Variants in IRGM observed in about 807,000 individuals in gnomAD.
IRGM encodes immunity-related GTPase family M protein.
For missense variants in IRGM, 288 were observed against 219.9 expected (o/e 1.31, Z -1.96); for synonymous variants, 98 against 80.6 (o/e 1.22, Z -1.16).
chr5:150,895,865 A>C (rs1259008498), intron 3 of IRGM: 27 of 1,613,506 alleles, frequency 1.7e-5, no homozygotes, highest in Non-Finnish European at 2.0e-5. Flanking sequence ...CCCCAGTATG[A>C]ACTAACTGAT....
At chr5:150,860,021 A>G (rs1275814740) in intron 1 of IRGM, among the ~76,000 whole-genome samples, 1 of 152,184 alleles carries the variant, frequency 6.6e-6, no homozygotes, top group Non-Finnish European at 1.5e-5. Context: ...TCATTGCCCA[A>G]TATGGCTAAA....
chr5:150,897,058 ATAG>A (rs1754818141), intron 3 of IRGM: 2 of 1,057,906 alleles, frequency 1.9e-6, no homozygotes, highest in Non-Finnish European at 2.7e-6. Context: ...ATGATCCAAC[ATAG>A]TAGATGAACT....
intron 1 of IRGM, among the ~76,000 whole-genome samples, chr5:150,868,893 T>G (rs545179968): frequency 1.3e-5 from 2 of 152,140 alleles, no homozygotes; most frequent in Non-Finnish European, 2.9e-5. Context: ...TTTGGATAAG[T>G]CTTTATGGTT....
intron 3 of IRGM, among the ~76,000 whole-genome samples, chr5:150,892,512 A>G (rs1754626262): frequency 6.6e-6 from 1 of 152,142 alleles, no homozygotes; most frequent in Non-Finnish European, 1.5e-5. Flanking sequence ...GTTGTCTACA[A>G]ATAACAACAC....
At chr5:150,894,447 A>C (rs970880261) in intron 3 of IRGM, 9 of 152,254 alleles carry the variant, frequency 5.9e-5, no homozygotes, top group African/African-American at 2.2e-4. Context: ...AATAAATCCA[A>C]GTATTAAAAA....
At chr5:150,873,205 G>C (rs1022298314) in intron 1 of IRGM, among the ~76,000 whole-genome samples, 1 of 152,302 alleles carries the variant, frequency 6.6e-6, no homozygotes, top group Admixed American at 6.5e-5. Flanking sequence ...AAGTGAAATT[G>C]ATAGGAAGCC....
At chr5:150,857,845 G>A (rs1463402285) in intron 1 of IRGM, among the ~76,000 whole-genome samples, 2 of 151,984 alleles carry the variant, frequency 1.3e-5, no homozygotes. Context: ...AGATGAGTAG[G>A]TTGCGAAAAT....
chr5:150,879,094 T>C (rs1754408041), intron 2 of IRGM, among the ~76,000 whole-genome samples: 1 of 152,174 alleles, frequency 6.6e-6, no homozygotes, highest in African/African-American at 2.4e-5. Context: ...AAAATGTTCA[T>C]ATCAGTAAGA....
chr5:150,881,086 C>T (rs1754438356), intron 3 of IRGM, among the ~76,000 whole-genome samples: 1 of 151,194 alleles, frequency 6.6e-6, no homozygotes, highest in African/African-American at 2.4e-5. Flanking sequence ...AAGATCATGC[C>T]ATTGCACTCC....
intron 1 of IRGM, among the ~76,000 whole-genome samples, chr5:150,854,609 T>A (rs374419459): frequency 1.3e-5 from 2 of 152,186 alleles, no homozygotes; most frequent in East Asian, 3.8e-4. Flanking sequence ...ATTTTTCTTT[T>A]TCTTTTAGCA....
At chr5:150,852,872 A>G (rs1241778751), downstream of IRGM, among the ~76,000 whole-genome samples, 1 of 152,066 alleles carries the variant, frequency 6.6e-6, no homozygotes, top group Non-Finnish European at 1.5e-5. Flanking sequence ...ATATTGTTGA[A>G]TTTCTAATAG....
At chr5:150,878,219 C>T (rs1754393777) in intron 2 of IRGM, 1 of 363,984 alleles carries the variant, frequency 2.7e-6, no homozygotes, top group African/African-American at 2.1e-5. Flanking sequence ...CTTTGTGAGG[C>T]TAGAGAGTAC....
chr5:150,870,509 C>CT (rs60200385), intron 1 of IRGM, among the ~76,000 whole-genome samples: 5,342 of 135,562 alleles, frequency 0.039, 220 homozygotes, highest in African/African-American at 0.1. Flanking sequence ...TATACAACTC[C>CT]TTTTTTTTTT....
intron 3 of IRGM, among the ~76,000 whole-genome samples, chr5:150,881,655 T>A (rs1235461586): frequency 6.6e-6 from 1 of 150,958 alleles, no homozygotes; most frequent in Non-Finnish European, 1.5e-5. Flanking sequence ...TTATTAAAAA[T>A]AATAATAGCA....
At chr5:150,895,330 A>C in intron 3 of IRGM, 1 of 978,582 alleles carries the variant, frequency 1.0e-6, no homozygotes, top group Non-Finnish European at 1.4e-6. Flanking sequence ...ATTTTTATCT[A>C]TTGGGATGTT....
At chr5:150,855,440 T>A (rs924888207) in intron 1 of IRGM, among the ~76,000 whole-genome samples, 1 of 152,178 alleles carries the variant, frequency 6.6e-6, no homozygotes, top group African/African-American at 2.4e-5. Context: ...AATGAAATGA[T>A]TAATTTTTCT....
chr5:150,881,343 G>A (rs10463310), intron 3 of IRGM, among the ~76,000 whole-genome samples: 31,790 of 151,984 alleles, frequency 0.21, 5,369 homozygotes, highest in African/African-American at 0.45. Flanking sequence ...AGTGCTGAAC[G>A]TGAAAATTTG....
chr5:150,872,484 G>A (rs1035374584), intron 1 of IRGM, among the ~76,000 whole-genome samples: 2 of 152,192 alleles, frequency 1.3e-5, no homozygotes, highest in Non-Finnish European at 2.9e-5. Context: ...GAGGTTCATA[G>A]TGTGACCCAC....
At chr5:150,850,944 AT>A (rs1198932025), downstream of IRGM, among the ~76,000 whole-genome samples, 2 of 152,164 alleles carry the variant, frequency 1.3e-5, no homozygotes, top group East Asian at 3.8e-4. Context: ...TTAGCTTTCT[AT>A]TTTAATGAGC....
Sources: gnomAD v4.1 joint callset for allele counts (sites outside exome capture counted in the v4.1 genomes callset) on GRCh38, gnomAD v4.1.1 for gene constraint, MANE v1.5 for transcripts, NCBI Gene and HGNC (gene_info 2026-07-23, HGNC 2026-07-21) for gene names.